The following CAPN8 variants were observed in gnomAD, a reference collection of about 807,000 sequenced individuals.
The protein encoded by CAPN8 is calpain-8.
Under a neutral mutation model 80.9 loss-of-function variants are expected in CAPN8, and 87 were observed. The observed-to-expected ratio is 1.07, with a 90% confidence interval of 0.90 to 1.28. The LOEUF (loss-of-function observed/expected upper bound fraction) is 1.28, where lower values mean the gene tolerates loss of function less well. Among genes scored for constraint, CAPN8 ranks in the 50% most tolerant of loss-of-function variants. The probability of loss-of-function intolerance (pLI) is 0.00; values close to 1 mark genes in which losing one functional copy is unlikely to be tolerated. For synonymous variants in CAPN8, 299 were observed against 273.8 expected, an observed-to-expected ratio of 1.09 and a Z score of -0.91; for missense variants, 757 against 702.0, an observed-to-expected ratio of 1.08 and a Z score of -0.89.
chr1:223,552,173 A>G (rs989107472), intron 14 of CAPN8, among the ~76,000 whole-genome samples: 1 of 152,152 alleles, frequency 6.6e-6, no homozygotes, highest in Non-Finnish European at 1.5e-5. Flanking sequence ...TGGCAATTCT[A>G]CTGGAAATGA....
intron 13 of CAPN8, among the ~76,000 whole-genome samples, chr1:223,555,293 C>T (rs1362407436): frequency 6.6e-6 from 1 of 152,158 alleles, no homozygotes; most frequent in African/African-American, 2.4e-5. Context: ...AACAGTGAAG[C>T]CAGGATTAAA....
intron 4 of CAPN8, among the ~76,000 whole-genome samples, 156 bp downstream of exon 4, chr1:223,627,853 C>G (rs965887695): frequency 6.6e-5 from 10 of 152,166 alleles, no homozygotes; most frequent in African/African-American, 2.4e-4. Context: ...CTCTTAGTTA[C>G]TGAAAAATGC....
At chr1:223,665,277 G>T (rs1187475031) in intron 1 of CAPN8, 133 bp downstream of exon 1, 1 of 686,294 alleles carries the variant, frequency 1.5e-6, no homozygotes, top group Non-Finnish European at 2.4e-6. Context: ...AAAAAAGGTG[G>T]TGGTGGAGGG....
At chr1:223,545,105 C>T (rs1323294750) in intron 17 of CAPN8, 126 bp downstream of exon 17, 3 of 1,472,246 alleles carry the variant, frequency 2.0e-6, no homozygotes, top group Non-Finnish European at 2.7e-6. Context: ...CCTTCATGAC[C>T]AATGTGCCCA....
chr1:223,646,277 G>A (rs1658189736), intron 2 of CAPN8, among the ~76,000 whole-genome samples: 1 of 152,240 alleles, frequency 6.6e-6, no homozygotes, highest in Non-Finnish European at 1.5e-5. Flanking sequence ...TCGTGAGTAG[G>A]TGGTGTGGAT....
rs373869260 is a variant in CAPN8 at position 223,665,481 on chromosome 1, A to G, written c.166T>C (p.Ser56Pro). The change falls in exon 1 of 21, where the codon TCA becomes CCA. Residue 56 changes from serine to proline, a missense_variant. Ser to Pro is a moderately conservative substitution (Grantham distance 74, BLOSUM62 -1). Transcript: ENST00000366872. ...FKDPEFPACP[S>P]ALGYKDLGPG... The stretch of plus-strand genomic sequence containing the variant: ...CCAAGATCCTTGTAGCCCAAAGCTG[A>G]TGGACATGCTGGGAACTCAGGGTCC... 36 of 1,551,796 alleles carry G rather than the reference A, an allele frequency of 2.3e-5. No homozygotes were observed. The African/African-American group carries it at 3.3e-4, about 14-fold the overall frequency.
intron 13 of CAPN8, among the ~76,000 whole-genome samples, chr1:223,555,671 A>G (rs1656888535): frequency 6.6e-6 from 1 of 152,220 alleles, no homozygotes; most frequent in Non-Finnish European, 1.5e-5. Context: ...GGAAAAACAT[A>G]AAATTGCATA....
rs1001512117 is a variant in CAPN8, at chr1:223,549,335, T to A, written c.1747A>T (p.Met583Leu). ...DGFNINTCRE[M>L]ISLLDSNGTG... Reference sequence around the variant, plus strand: ...AAGGATACATCCAACAGACTGATCATTTCCCTGCAAGTGTTGATGTTGAAT... The same window carrying A: ...AAGGATACATCCAACAGACTGATCAATTCCCTGCAAGTGTTGATGTTGAAT... Residue 583 changes from methionine (M) to leucine (L), a missense_variant, in exon 16 of 21, where the codon ATG becomes TTG. Coordinates refer to ENST00000366872, the MANE Select transcript of CAPN8 (RefSeq NM_001143962.2). The A allele has an allele frequency of 1.8e-5, 28 of 1,551,732 alleles. No individual in the cohort carries two copies. Among genetic ancestry groups the A allele is most frequent in the Non-Finnish European group, 2.3e-5 (26 of 1,147,034 alleles).
chr1:223,644,899 G>A (rs1279887391), intron 2 of CAPN8, among the ~76,000 whole-genome samples: 1 of 152,158 alleles, frequency 6.6e-6, no homozygotes, highest in Non-Finnish European at 1.5e-5. Flanking sequence ...TATTAGTCAG[G>A]GTTCTCTAGA....
At chr1:223,626,921 T>A in intron 5 of CAPN8, 68 bp downstream of exon 5, 21 of 1,500,192 alleles carry the variant, frequency 1.4e-5, no homozygotes, top group Non-Finnish European at 1.9e-5. Context: ...CGCTGTCTCA[T>A]CCCTTCCCTA....
At chr1:223,621,088 C>T (rs564642825) in intron 7 of CAPN8, among the ~76,000 whole-genome samples, 95 of 152,158 alleles carry the variant, frequency 6.2e-4, no homozygotes, top group African/African-American at 2.2e-3. Flanking sequence ...TTTAAGACCC[C>T]GGGGGTCAGC....
chr1:223,665,290 C>A, intron 1 of CAPN8, 120 bp downstream of exon 1: 1 of 760,166 alleles, frequency 1.3e-6, no homozygotes, highest in South Asian at 1.9e-5. Context: ...GTGGAGGGAT[C>A]TGAAATATGA....
At chr1:223,652,781 G>A (rs1053938499) in intron 2 of CAPN8, among the ~76,000 whole-genome samples, 2 of 152,022 alleles carry the variant, frequency 1.3e-5, no homozygotes, top group African/African-American at 4.8e-5. Context: ...GCAGCGGCTG[G>A]GCTCCCCGGG....
At chr1:223,644,715 T>G (rs928598627) in intron 2 of CAPN8, among the ~76,000 whole-genome samples, 36 of 152,082 alleles carry the variant, frequency 2.4e-4, no homozygotes, top group African/African-American at 8.7e-4. Flanking sequence ...CATGGCAACA[T>G]CCAGCTCGAG....
intron 6 of CAPN8, among the ~76,000 whole-genome samples, chr1:223,623,244 C>T (rs901504828): frequency 2.6e-5 from 4 of 152,194 alleles, no homozygotes; most frequent in Non-Finnish European, 4.4e-5. Context: ...TCCAAACAAA[C>T]ACCAAAGCAC....
Position 223,626,983 on chromosome 1 carries a change from C to A in CAPN8, c.729+6G>T. ...GGTGGGGCAGTAGAGAAGCCATATG[C>A]CTCACATCAATGGAGCAGCCCAGCA... On this transcript the variant is annotated splice_donor_region_variant and intron_variant, in intron 5 of 20. Coordinates refer to ENST00000366872, the MANE Select transcript of CAPN8 (RefSeq NM_001143962.2). The A allele has an allele frequency of 6.4e-7, 1 of 1,550,432 alleles. No individual in the cohort carries two copies. The highest frequency in any genetic ancestry group is 8.7e-7 in the Non-Finnish European group (1 of 1,146,038).
chr1:223,613,627 T>C (rs921218441), intron 10 of CAPN8, among the ~76,000 whole-genome samples: 2 of 152,160 alleles, frequency 1.3e-5, no homozygotes, highest in African/African-American at 2.4e-5. Context: ...AAATGCAGGA[T>C]CCTGACTGCA....
At chr1:223,661,006 A>C (rs370654017) in intron 1 of CAPN8, among the ~76,000 whole-genome samples, 1 of 152,078 alleles carries the variant, frequency 6.6e-6, no homozygotes, top group Non-Finnish European at 1.5e-5. Flanking sequence ...ATCTGTACTA[A>C]AAACACAAAA....
In CAPN8 at chr1:223,612,243, T is replaced by G. The variant is rs1657047007; in HGVS notation, c.1323+3A>C. The stretch of plus-strand genomic sequence containing the variant: ...GAAGGAATCTCTGTCAGCACTCACA[T>G]ACCTCCTTGGGAACCTGTGGGGCAG... On this transcript the variant is annotated splice_donor_region_variant and intron_variant, in intron 11 of 20. Coordinates refer to ENST00000366872, the MANE Select transcript of CAPN8 (RefSeq NM_001143962.2). 2.4e-6 allele frequency: 3 copies of G among 1,234,110 alleles called. No homozygotes were observed. The highest frequency in any genetic ancestry group is 2.1e-4 in the Middle Eastern group (1 of 4,862). 76.4% of individuals were successfully genotyped at this position (1,234,110 alleles called of 1,614,324 possible). A position where few individuals can be genotyped will look rare whatever the true frequency, so the allele number is the denominator to read the frequency against.
Sources: allele counts gnomAD v4.1 joint callset (sites outside exome capture counted in the v4.1 genomes callset), GRCh38; gene constraint gnomAD v4.1.1; transcripts MANE v1.5; gene names NCBI Gene and HGNC (gene_info 2026-07-23, HGNC 2026-07-21).